Variants in CCNH observed in about 807,000 individuals in gnomAD.
The protein encoded by CCNH is cyclin-H.
A neutral mutation model predicts 41.9 loss-of-function variants in CCNH; 31 were observed. The ratio of observed to expected loss-of-function variants is 0.74; its 90% CI spans 0.56 to 1.00. The LOEUF is 1.00. Ranked by LOEUF, CCNH falls within the 50% of genes least tolerant of loss-of-function variation. The pLI, the probability that CCNH is intolerant of heterozygous loss-of-function variation, is 0.00. For synonymous variants in CCNH, 138 were observed against 136.1 expected (o/e 1.01, Z -0.10); for missense variants, 362 against 388.4 (o/e 0.93, Z 0.57).
intron 9 of CCNH, among the ~76,000 whole-genome samples, chr5:87,338,729 T>G (rs2112390595): frequency 6.6e-6 from 1 of 151,058 alleles, no homozygotes; most frequent in South Asian, 2.1e-4. Flanking sequence ...ATAAGTGAAG[T>G]TATATCAGTC....
chr5:87,387,919 T>C (rs1762176634), downstream of CCNH, among the ~76,000 whole-genome samples: 1 of 152,178 alleles, frequency 6.6e-6, no homozygotes, highest in African/African-American at 2.4e-5. Flanking sequence ...TGAGAAGTTA[T>C]GCCACACAAT....
At chr5:87,362,787 CTT>C (rs1300496187) in intron 9 of CCNH, 15 of 1,208,856 alleles carry the variant, frequency 1.2e-5, no homozygotes, top group Non-Finnish European at 1.7e-5. Context: ...GTAATTGACA[CTT>C]GTTTAGAGCC....
chr5:87,411,420 CTAGAT>C (rs1297394581), intron 1 of CCNH, 74 bp from the exon 2 acceptor site: 7 of 1,444,672 alleles, frequency 4.8e-6, no homozygotes, highest in Admixed American at 2.2e-5. Context: ...TTTTCTCTAT[CTAGAT>C]TAAATTTAGT....
chr5:87,391,271 AAC>A (rs1762495282), downstream of CCNH: 1 of 383,054 alleles, frequency 2.6e-6, no homozygotes, highest in African/African-American at 2.0e-5. Context: ...ACTGACAAGA[AAC>A]ACATTCTTAT....
downstream of CCNH, chr5:87,390,760 G>T: frequency 6.5e-7 from 1 of 1,541,874 alleles, no homozygotes; most frequent in Non-Finnish European, 9.0e-7. Context: ...ATTGCTGACC[G>T]AGCTTTCATT....
chr5:87,390,862 A>C (rs752946587), downstream of CCNH: 1 of 1,612,964 alleles, frequency 6.2e-7, no homozygotes, highest in South Asian at 1.1e-5. Flanking sequence ...ACCAGTATAC[A>C]AAAACCAATG....
chr5:87,341,154 C>A, intron 9 of CCNH: 1 of 491,480 alleles, frequency 2.0e-6, no homozygotes, highest in Non-Finnish European at 3.2e-6. Flanking sequence ...ATTTACTGAA[C>A]AGAAACATCT....
chr5:87,385,010 T>C (rs1480126408), intron 9 of CCNH, among the ~76,000 whole-genome samples: 1 of 152,002 alleles, frequency 6.6e-6, no homozygotes, highest in Non-Finnish European at 1.5e-5. Context: ...AGCTTTGAGG[T>C]CCTTTGAAAT....
At chr5:87,378,486 A>T (rs1238611689), upstream of CCNH, 1 of 1,612,406 alleles carries the variant, frequency 6.2e-7, no homozygotes, top group Non-Finnish European at 8.5e-7. Context: ...TTTGTTCATC[A>T]TGCTTTGAAA....
At chr5:87,346,715 C>A in intron 9 of CCNH, 1 of 1,550,618 alleles carries the variant, frequency 6.4e-7, no homozygotes, top group South Asian at 1.1e-5. Flanking sequence ...TTATAATTTA[C>A]TAATGACAGG....
chr5:87,391,268 AGAAACACATTCT>A (rs1343992074), downstream of CCNH: 1 of 387,056 alleles, frequency 2.6e-6, no homozygotes, highest in African/African-American at 2.0e-5. Context: ...TCAACTGACA[AGAAACACATTCT>A]TATTGACAAT....
intron 1 of CCNH, 54 bp downstream of exon 1, chr5:87,412,624 A>C (rs1436284161): frequency 2.5e-6 from 4 of 1,600,676 alleles, no homozygotes; most frequent in African/African-American, 2.7e-5. Context: ...GAGCTCCCGC[A>C]GCTGCTCAGA....
chr5:87,380,068 T>C (rs1055694808), upstream of CCNH, among the ~76,000 whole-genome samples: 3 of 152,186 alleles, frequency 2.0e-5, no homozygotes, highest in African/African-American at 4.8e-5. Flanking sequence ...GTTTGTACTG[T>C]AGTAGCTTGG....
chr5:87,370,171 T>C (rs1389931236), intron 9 of CCNH, among the ~76,000 whole-genome samples: 1 of 152,192 alleles, frequency 6.6e-6, no homozygotes, highest in East Asian at 1.9e-4. Flanking sequence ...AGAATGCTCA[T>C]TTAAAATCCT....
downstream of CCNH, among the ~76,000 whole-genome samples, chr5:87,314,072 G>A (rs924224844): frequency 2.6e-5 from 4 of 152,152 alleles, no homozygotes; most frequent in Non-Finnish European, 4.4e-5. Flanking sequence ...GGGAGGCTGA[G>A]GCAGGCAGGA....
At chr5:87,312,054 A>C in the CCNH span, among the ~76,000 whole-genome samples, 23 of 152,356 alleles carry the variant, frequency 1.5e-4, no homozygotes, top group Non-Finnish European at 2.1e-4. Context: ...TAATATCTGG[A>C]AGATCTGCAT....
At chr5:87,391,152 A>G (rs1041227405), downstream of CCNH, 6 of 565,284 alleles carry the variant, frequency 1.1e-5, no homozygotes, top group African/African-American at 1.1e-4. Flanking sequence ...ACCTTTCACA[A>G]AACGAAATGC....
intron 9 of CCNH, among the ~76,000 whole-genome samples, chr5:87,338,537 T>TATATATA (rs1421369290): frequency 2.5e-5 from 2 of 79,794 alleles, no homozygotes; most frequent in Admixed American, 1.3e-4. Context: ...ATATATAAAA[T>TATATATA]TTTTTTTTTT....
At chr5:87,338,501 TTATATATA>T (rs3069490) in intron 9 of CCNH, among the ~76,000 whole-genome samples, 7 of 75,670 alleles carry the variant, frequency 9.3e-5, no homozygotes, top group Admixed American at 1.6e-4. Flanking sequence ...CCAGCTAATT[TTATATATA>T]TATATATATA....
Sources: allele counts gnomAD v4.1 joint callset (sites outside exome capture counted in the v4.1 genomes callset), GRCh38; gene constraint gnomAD v4.1.1; transcripts MANE v1.5; gene names NCBI Gene and HGNC (gene_info 2026-07-23, HGNC 2026-07-21).